The following TNIK variants were observed in gnomAD, a reference collection of about 807,000 sequenced individuals.
TNIK encodes the protein TRAF2 and NCK-interacting protein kinase.
A neutral mutation model predicts 191.3 loss-of-function variants in TNIK; 49 were observed. That is an observed-to-expected ratio of 0.26 (90% confidence interval 0.20 to 0.32). TNIK has a LOEUF of 0.32. TNIK is among the 10% of genes least tolerant of loss of function. TNIK has a pLI of 1.00. For missense variants in TNIK, 1,155 were observed against 1,702.3 expected (o/e 0.68, Z 5.66); for synonymous variants, 594 against 600.9 (o/e 0.99, Z 0.17).
chr3:171,299,621 G>A (rs1338943363), intron 2 of TNIK, among the ~76,000 whole-genome samples: 6 of 152,188 alleles, frequency 3.9e-5, no homozygotes, highest in Middle Eastern at 3.4e-3. Flanking sequence ...AACAAAATGG[G>A]GCCAACCAGG....
rs376558304 is a variant in TNIK at position 171,437,257 on chromosome 3, C to T, written c.57+22750G>A. On this transcript the variant is annotated intron_variant, in intron 1 of 32. Transcript: ENST00000436636. The stretch of plus-strand genomic sequence containing the variant: ...TTAGTAGGAGGTACACAGTAGAGAA[C>T]GTGGGAGACATCGGGATAGCATTTG... Among the ~76,000 whole-genome samples the T allele has an allele frequency of 7.2e-5, 11 of 152,276 alleles. No homozygotes were observed. The East Asian group carries it at 1.7e-3, about 24-fold the overall frequency.
chr3:171,365,471 C>T (rs1418000505), intron 2 of TNIK, among the ~76,000 whole-genome samples: 4 of 151,972 alleles, frequency 2.6e-5, no homozygotes, highest in Admixed American at 6.6e-5. Flanking sequence ...CGTGAGCCAC[C>T]GCGCCCGGCC....
intron 1 of TNIK, among the ~76,000 whole-genome samples, chr3:171,426,708 C>T (rs1373662584): frequency 6.6e-6 from 1 of 152,128 alleles, no homozygotes. Context: ...CTCCTGGGCA[C>T]CTGTCCTTTA....
At chr3:171,327,026 T>C (rs184809139) in intron 2 of TNIK, among the ~76,000 whole-genome samples, 1 of 152,242 alleles carries the variant, frequency 6.6e-6, no homozygotes, top group East Asian at 1.9e-4. Flanking sequence ...ACTGTTAAAT[T>C]TTTAGAGAAT....
At chr3:171,346,124 G>A (rs1295882611) in intron 2 of TNIK, among the ~76,000 whole-genome samples, 1 of 152,130 alleles carries the variant, frequency 6.6e-6, no homozygotes, top group Non-Finnish European at 1.5e-5. Flanking sequence ...AGCAACAGAG[G>A]TGTCTGGAGA....
chr3:171,066,838 T>G, intron 30 of TNIK, 103 bp from the exon 31 acceptor site: 1 of 1,383,782 alleles, frequency 7.2e-7, no homozygotes, highest in Non-Finnish European at 9.7e-7. Context: ...TTATTTTCAT[T>G]GTCACCCTAA....
intron 2 of TNIK, among the ~76,000 whole-genome samples, chr3:171,255,415 A>G (rs180736004): frequency 6.6e-6 from 1 of 152,278 alleles, no homozygotes; most frequent in East Asian, 1.9e-4. Context: ...TCAGAATCAA[A>G]CTACAAATCA....
At chr3:171,452,297 C>T (rs1728256635) in intron 1 of TNIK, among the ~76,000 whole-genome samples, 1 of 152,188 alleles carries the variant, frequency 6.6e-6, no homozygotes, top group Non-Finnish European at 1.5e-5. Flanking sequence ...GCACAGTTTG[C>T]AATCTCTTGG....
At chr3:171,447,962 T>C (rs1028014888) in intron 1 of TNIK, among the ~76,000 whole-genome samples, 5 of 152,210 alleles carry the variant, frequency 3.3e-5, no homozygotes, top group Non-Finnish European at 5.9e-5. Context: ...CACGTTAAAT[T>C]TTTTAGGCAT....
intron 2 of TNIK, among the ~76,000 whole-genome samples, chr3:171,303,702 AATC>A (rs2108277553): frequency 6.6e-6 from 1 of 152,222 alleles, no homozygotes; most frequent in African/African-American, 2.4e-5. Flanking sequence ...TTGCATCTCC[AATC>A]TGTCAAACAT....
At chr3:171,178,848 A>G (rs1736289461) in intron 7 of TNIK, among the ~76,000 whole-genome samples, 1 of 152,250 alleles carries the variant, frequency 6.6e-6, no homozygotes, top group South Asian at 2.1e-4. Context: ...AACAAATGTC[A>G]AGGCCACATG....
chr3:171,254,964 G>A (rs1312411755), intron 2 of TNIK, among the ~76,000 whole-genome samples: 1 of 152,136 alleles, frequency 6.6e-6, no homozygotes, highest in African/African-American at 2.4e-5. Context: ...AATAAAAAGG[G>A]ATTTAGCATG....
At chr3:171,131,420 G>A (rs1423153727) in intron 15 of TNIK, among the ~76,000 whole-genome samples, 1 of 135,454 alleles carries the variant, frequency 7.4e-6, no homozygotes, top group East Asian at 2.5e-4. Context: ...CACAGGCAAT[G>A]AATGGATTTG....
chr3:171,237,478 T>C (rs1744414194), intron 2 of TNIK, among the ~76,000 whole-genome samples: 2 of 151,468 alleles, frequency 1.3e-5, no homozygotes, highest in African/African-American at 4.9e-5. Context: ...GTGAGCAACT[T>C]ACTGGAGTCA....
At chr3:171,236,731 C>A (rs1009498710) in intron 2 of TNIK, among the ~76,000 whole-genome samples, 3 of 152,152 alleles carry the variant, frequency 2.0e-5, no homozygotes, top group Non-Finnish European at 2.9e-5. Context: ...TCTGTCTTTC[C>A]CCTCAGGACC....
At chr3:171,347,281 G>A in intron 2 of TNIK, 1 of 1,479,218 alleles carries the variant, frequency 6.8e-7, no homozygotes, top group Non-Finnish European at 9.0e-7. Flanking sequence ...CAAACACATA[G>A]AGCACACTCT....
chr3:171,211,536 G>A lies in TNIK; in HGVS notation c.181-295C>T, dbSNP rs80337250. On this transcript the variant is annotated intron_variant, in intron 3 of 32. Coordinates refer to ENST00000436636, the MANE Select transcript of TNIK (RefSeq NM_015028.4). The stretch of plus-strand genomic sequence containing the variant: ...AAGAGATCAAGGTAGAAAGACTATC[G>A]AGAGAAAATTCACTGTAGGCCTCTG... 3.1e-3 allele frequency among the ~76,000 whole-genome samples: 469 copies of A among 152,230 alleles called. 1 individual carries two copies. The highest frequency in any genetic ancestry group is 0.01 in the African/African-American group (433 of 41,540).
intron 1 of TNIK, among the ~76,000 whole-genome samples, chr3:171,433,005 G>A (rs564725458): frequency 6.6e-6 from 1 of 152,192 alleles, no homozygotes; most frequent in African/African-American, 2.4e-5. Flanking sequence ...TTAATCTATA[G>A]CATCAAATTG....
At chr3:171,335,841 A>G (rs1560444610) in intron 2 of TNIK, among the ~76,000 whole-genome samples, 1 of 152,184 alleles carries the variant, frequency 6.6e-6, no homozygotes, top group Non-Finnish European at 1.5e-5. Context: ...AGAAACTATG[A>G]AAGTGCTTTC....
Sources: allele counts gnomAD v4.1 joint callset (sites outside exome capture counted in the v4.1 genomes callset), GRCh38; gene constraint gnomAD v4.1.1; transcripts MANE v1.5; gene names NCBI Gene and HGNC (gene_info 2026-07-23, HGNC 2026-07-21).